Variants in SLC35A1 observed in about 807,000 individuals in gnomAD.
SLC35A1 encodes the protein CMP-sialic acid transporter.
In SLC35A1, 21 loss-of-function variants were observed where a neutral mutation model predicts 40.3. The observed-to-expected ratio is 0.52, with a 90% CI of 0.37 to 0.75. The LOEUF (loss-of-function observed/expected upper bound fraction) is 0.75, where lower values mean the gene tolerates loss of function less well. SLC35A1 is among the 30% of genes least tolerant of loss of function. The pLI is 0.00. For missense variants in SLC35A1, 297 were observed against 382.1 expected (o/e 0.78, Z 1.86); for synonymous variants, 146 against 147.3 (o/e 0.99, Z 0.06).
chr6:87,511,884 A>G lies in SLC35A1; in HGVS notation c.*358A>G, dbSNP rs1400328473. 7 of 316,136 alleles carry G rather than the reference A, an allele frequency of 2.2e-5. No individual in the cohort carries two copies. The highest frequency in any genetic ancestry group is 4.3e-5 in the Non-Finnish European group (7 of 163,686). The allele number at this position is 316,136 out of a possible 1,614,324, so 19.6% of individuals were successfully genotyped here. On this transcript the variant is annotated 3_prime_UTR_variant, in exon 8 of 8. Coordinates refer to ENST00000369552, the MANE Select transcript of SLC35A1 (RefSeq NM_006416.5). ...GACAATGTCTAAGGGTTAAAGTGCCAAAGCCATTTCTGTACTAACTGTTCT... is the reference window on the plus strand; with the variant it reads ...GACAATGTCTAAGGGTTAAAGTGCCGAAGCCATTTCTGTACTAACTGTTCT...
chr6:87,493,353 T>C (rs1769614856), intron 2 of SLC35A1, among the ~76,000 whole-genome samples: 2 of 152,204 alleles, frequency 1.3e-5, no homozygotes, highest in Non-Finnish European at 2.9e-5. Flanking sequence ...AACCAGAATC[T>C]AGGCATTTGG....
chr6:87,511,406 C>T lies in SLC35A1; in HGVS notation c.894C>T (p.Thr298=). ...TTTTTTTTTTCTTTTCAGCACTCACCTTTGCCCTGGGTACTCTTCTTGTAT... is the reference window on the plus strand; with the variant it reads ...TTTTTTTTTTCTTTTCAGCACTCACTTTTGCCCTGGGTACTCTTCTTGTAT... ...VMLFGLQITL[T]FALGTLLVCV... is the part of the protein sequence containing the mutation. The change falls in exon 8 of 8, where the codon ACC becomes ACT. Residue 298 remains threonine, a synonymous_variant. Transcript: ENST00000369552. The T allele has an allele frequency of 6.2e-7, 1 of 1,613,610 alleles. No homozygotes were observed. Among genetic ancestry groups the T allele is most frequent in the Non-Finnish European group, 8.5e-7 (1 of 1,179,774 alleles).
chr6:87,473,273 G>C (rs1768970989), intron 1 of SLC35A1, among the ~76,000 whole-genome samples: 1 of 152,222 alleles, frequency 6.6e-6, no homozygotes, highest in Non-Finnish European at 1.5e-5. Context: ...ACCTCCACTA[G>C]CTGGGAGTGG....
At chr6:87,494,577 C>A (rs1288282679) in intron 2 of SLC35A1, among the ~76,000 whole-genome samples, 1 of 151,930 alleles carries the variant, frequency 6.6e-6, no homozygotes, top group Non-Finnish European at 1.5e-5. Flanking sequence ...TGCCTGCCAC[C>A]ACGCCTGGCT....
intron 2 of SLC35A1, among the ~76,000 whole-genome samples, chr6:87,495,863 A>G (rs1310678413): frequency 6.6e-6 from 1 of 151,942 alleles, no homozygotes; most frequent in Non-Finnish European, 1.5e-5. Context: ...CACCGTGTAA[A>G]TCAGGATGGT....
In SLC35A1 at chr6:87,506,367, CAATT is replaced by C. The variant is rs773012984; in HGVS notation, c.508-11_508-8del. ...TATTAGTCACTAAAAATAACTTTAA[CAATT>C]AATATTGCAGGTGGAACAAAATCCA... On this transcript the variant is annotated splice_polypyrimidine_tract_variant and intron_variant, in intron 4 of 7. Transcript: ENST00000369552. The C allele has an allele frequency of 2.5e-6, 4 of 1,603,616 alleles. No homozygotes were observed. Among genetic ancestry groups the C allele is most frequent in the Middle Eastern group, 1.7e-4 (1 of 6,034 alleles).
intron 2 of SLC35A1, among the ~76,000 whole-genome samples, chr6:87,499,456 T>G (rs1769847049): frequency 6.6e-6 from 1 of 152,196 alleles, no homozygotes; most frequent in Admixed American, 6.5e-5. Context: ...TATTTTTACT[T>G]TCAGGAAATC....
Position 87,501,218 on chromosome 6 carries a change from A to C in SLC35A1, c.415A>C (p.Thr139Pro). ...ALCTVLMLNR[T>P]LSKLQWVSVF... ...ATGCACTGTTTTAATGTTAAACCGG[A>C]CACTCAGCAAATTACAGTGGGTTTC... is the stretch of plus-strand genomic sequence containing the variant. Residue 139 changes from threonine to proline, a missense_variant, in exon 4 of 8, where the codon ACA (threonine) becomes CCA (proline). Physicochemically the swap from Thr to Pro is conservative, Grantham distance 38. Transcript: ENST00000369552. The C allele has an allele frequency of 6.2e-7, 1 of 1,613,966 alleles. No individual in the cohort carries two copies. The highest frequency in any genetic ancestry group is 8.5e-7 in the Non-Finnish European group (1 of 1,179,892).
intron 2 of SLC35A1, among the ~76,000 whole-genome samples, chr6:87,500,176 T>C (rs1769876371): frequency 6.6e-6 from 1 of 152,136 alleles, no homozygotes; most frequent in South Asian, 2.1e-4. Flanking sequence ...CTTGATGAAA[T>C]AGTTAAAGTA....
intron 2 of SLC35A1, among the ~76,000 whole-genome samples, chr6:87,497,155 T>C (rs1204117403): frequency 6.6e-6 from 1 of 151,512 alleles, no homozygotes; most frequent in Non-Finnish European, 1.5e-5. Context: ...TTTCTGATAC[T>C]TTTCTGTTAT....
chr6:87,478,913 G>A (rs149445724), intron 2 of SLC35A1, among the ~76,000 whole-genome samples: 12 of 152,254 alleles, frequency 7.9e-5, no homozygotes, highest in South Asian at 2.1e-4. Context: ...CCTTATGCAC[G>A]TGGCCTCTAT....
chr6:87,477,092 A>G (rs1418706475), intron 1 of SLC35A1, among the ~76,000 whole-genome samples: 2 of 152,118 alleles, frequency 1.3e-5, no homozygotes, highest in African/African-American at 4.8e-5. Context: ...TCAGTACGCT[A>G]CATAGTCTTG....
At chr6:87,497,726 A>AT (rs1264290432) in intron 2 of SLC35A1, among the ~76,000 whole-genome samples, 1 of 151,586 alleles carries the variant, frequency 6.6e-6, no homozygotes, top group Non-Finnish European at 1.5e-5. Context: ...CTAATGTCTT[A>AT]TTTTTTTCTT....
chr6:87,506,684 A>G (rs1332351311), intron 5 of SLC35A1, among the ~76,000 whole-genome samples: 3 of 152,208 alleles, frequency 2.0e-5, no homozygotes, highest in African/African-American at 4.8e-5. Flanking sequence ...ATCCTTGACC[A>G]TCTCAGTCCG....
chr6:87,502,337 A>G (rs1769944671), intron 4 of SLC35A1, among the ~76,000 whole-genome samples: 1 of 152,174 alleles, frequency 6.6e-6, no homozygotes, highest in Admixed American at 6.5e-5. Flanking sequence ...TTTGTTCTGA[A>G]TACCGGAGAC....
rs370556166 is a variant in SLC35A1 at position 87,511,348 on chromosome 6, G to T, written c.887-51G>T. 548 of 1,597,246 alleles carry T rather than the reference G, an allele frequency of 3.4e-4. 1 individual carries two copies. Among genetic ancestry groups the T allele is most frequent in the Non-Finnish European group, 4.6e-4 (533 of 1,167,544 alleles). On this transcript the variant is annotated intron_variant, in intron 7 of 7. Coordinates refer to ENST00000369552, the MANE Select transcript of SLC35A1 (RefSeq NM_006416.5). ...TTCAAAATTTTAAACTGATCATTAG[G>T]CATTTTAAAGACACACATACAGATA...
intron 2 of SLC35A1, among the ~76,000 whole-genome samples, chr6:87,486,690 A>C (rs981526222): frequency 2.6e-5 from 4 of 152,208 alleles, no homozygotes; most frequent in African/African-American, 9.7e-5. Flanking sequence ...GTTTAAACCT[A>C]GACCTGTCAA....
chr6:87,486,874 A>G (rs1323035003), intron 2 of SLC35A1, among the ~76,000 whole-genome samples: 1 of 152,158 alleles, frequency 6.6e-6, no homozygotes, highest in Non-Finnish European at 1.5e-5. Flanking sequence ...TCTGAAGTGC[A>G]TTAGAAAAAT....
chr6:87,502,160 A>C (rs1390313558), intron 4 of SLC35A1, among the ~76,000 whole-genome samples: 1 of 152,010 alleles, frequency 6.6e-6, no homozygotes. Flanking sequence ...TCTTTCTATA[A>C]TATGGTTTCT....
Sources: allele counts gnomAD v4.1 joint callset (sites outside exome capture counted in the v4.1 genomes callset), GRCh38; gene constraint gnomAD v4.1.1; transcripts MANE v1.5; gene names NCBI Gene and HGNC (gene_info 2026-07-23, HGNC 2026-07-21).